Variants in BANK1 observed in about 807,000 individuals in gnomAD.
BANK1 encodes the protein B-cell scaffold protein with ankyrin repeats.
A neutral mutation model predicts 94.5 loss-of-function variants in BANK1; 95 were observed. The observed-to-expected ratio is 1.00, with a 90% confidence interval of 0.85 to 1.19. The LOEUF is 1.19. BANK1 is among the 50% of genes most tolerant of loss of function. The probability of loss-of-function intolerance (pLI) is 0.00; values close to 1 mark genes in which losing one functional copy is unlikely to be tolerated. For synonymous variants in BANK1, 334 were observed against 308.4 expected (o/e 1.08, Z -0.87); for missense variants, 987 against 932.2 (o/e 1.06, Z -0.77).
chr4:102,057,080 G>T (rs1244551805), intron 11 of BANK1, among the ~76,000 whole-genome samples: 2 of 152,066 alleles, frequency 1.3e-5, no homozygotes, highest in African/African-American at 2.4e-5. Context: ...AAAGTTAAGG[G>T]GATGCAGAGG....
intron 7 of BANK1, among the ~76,000 whole-genome samples, chr4:101,976,033 A>C (rs1005425188): frequency 6.6e-6 from 1 of 152,134 alleles, no homozygotes; most frequent in African/African-American, 2.4e-5. Flanking sequence ...GCTGATTAGA[A>C]ATTAATTCAT....
chr4:101,848,973 A>G (rs1727360873), intron 2 of BANK1, among the ~76,000 whole-genome samples: 1 of 152,166 alleles, frequency 6.6e-6, no homozygotes, highest in Admixed American at 6.5e-5. Context: ...TTATCTGCTG[A>G]GCCACGGAGG....
At chr4:101,882,113 G>A (rs534771932) in intron 5 of BANK1, among the ~76,000 whole-genome samples, 78 of 152,104 alleles carry the variant, frequency 5.1e-4, no homozygotes, top group Admixed American at 1.4e-3. Context: ...ATGCTTGAGG[G>A]GATGGATACC....
At chr4:101,997,421 G>A (rs1052745222) in intron 7 of BANK1, among the ~76,000 whole-genome samples, 3 of 152,082 alleles carry the variant, frequency 2.0e-5, no homozygotes, top group African/African-American at 7.2e-5. Context: ...CCAGGTTTTG[G>A]TATCAGGATC....
chr4:102,020,407 A>G (rs1442335761), intron 7 of BANK1, among the ~76,000 whole-genome samples: 2 of 152,126 alleles, frequency 1.3e-5, no homozygotes, highest in Admixed American at 6.6e-5. Flanking sequence ...GGGAAAATAT[A>G]ATTGAAATAT....
chr4:101,966,460 G>A (rs1191285642), intron 7 of BANK1, among the ~76,000 whole-genome samples: 2 of 151,974 alleles, frequency 1.3e-5, no homozygotes, highest in East Asian at 1.9e-4. Context: ...AGACATCTTG[G>A]AGAGTAGTTA....
At chr4:101,964,741 A>T (rs2148920459) in intron 7 of BANK1, among the ~76,000 whole-genome samples, 1 of 152,184 alleles carries the variant, frequency 6.6e-6, no homozygotes, top group East Asian at 1.9e-4. Context: ...ATTAACTTAA[A>T]ATAAATTAAA....
chr4:102,056,794 C>A (rs1171216564), intron 11 of BANK1, among the ~76,000 whole-genome samples: 1 of 151,992 alleles, frequency 6.6e-6, no homozygotes, highest in Non-Finnish European at 1.5e-5. Context: ...TCACTTGAGG[C>A]CAGGAGTTCG....
intron 6 of BANK1, among the ~76,000 whole-genome samples, chr4:101,909,008 A>G (rs1722564307): frequency 6.6e-6 from 1 of 152,200 alleles, no homozygotes; most frequent in Non-Finnish European, 1.5e-5. Flanking sequence ...GTGATTCCTC[A>G]AGGATCTAGA....
intron 6 of BANK1, among the ~76,000 whole-genome samples, chr4:101,899,769 C>T (rs1315063627): frequency 2.6e-5 from 4 of 152,138 alleles, no homozygotes; most frequent in Non-Finnish European, 5.9e-5. Context: ...ATTTGGCCTT[C>T]GTCATCCTAG....
At chr4:102,043,243 GTGAGTAA>G (rs142964973) in intron 10 of BANK1, among the ~76,000 whole-genome samples, 2,535 of 152,086 alleles carry the variant, frequency 0.017, 51 homozygotes, top group African/African-American at 0.056. Flanking sequence ...GCAAAATGGG[GTGAGTAA>G]TGCTGACTTG....
intron 7 of BANK1, among the ~76,000 whole-genome samples, chr4:101,975,641 TA>T (rs1725098747): frequency 2.0e-5 from 3 of 152,176 alleles, no homozygotes; most frequent in Admixed American, 1.3e-4. Flanking sequence ...GTTAATGCAT[TA>T]AAAGTGGTTT....
intron 1 of BANK1, among the ~76,000 whole-genome samples, chr4:101,827,287 A>C (rs1214766927): frequency 6.6e-6 from 1 of 151,916 alleles, no homozygotes. Flanking sequence ...CTTTAAATAT[A>C]AAGTTAATTT....
At chr4:101,798,196 G>A (rs1194371705) in intron 1 of BANK1, among the ~76,000 whole-genome samples, 1 of 152,196 alleles carries the variant, frequency 6.6e-6, no homozygotes, top group African/African-American at 2.4e-5. Context: ...TAAAGAGGAT[G>A]AGAGCTGAAT....
At chr4:101,922,028 G>A (rs996456466) in intron 7 of BANK1, among the ~76,000 whole-genome samples, 3 of 150,468 alleles carry the variant, frequency 2.0e-5, no homozygotes, top group Non-Finnish European at 4.4e-5. Flanking sequence ...GTGTGTGTGT[G>A]TGTGTGTGTG....
intron 1 of BANK1, among the ~76,000 whole-genome samples, chr4:101,822,624 T>C (rs1041783774): frequency 2.1e-4 from 32 of 151,700 alleles, no homozygotes; most frequent in African/African-American, 7.7e-4. Context: ...ATACTTTTTT[T>C]TTTTTTTTTG....
chr4:101,835,370 G>T (rs922244335), intron 2 of BANK1, among the ~76,000 whole-genome samples: 1 of 152,104 alleles, frequency 6.6e-6, no homozygotes, highest in Non-Finnish European at 1.5e-5. Flanking sequence ...CAGGCATGCT[G>T]GTTTGCTTGC....
chr4:101,919,747 TAA>T (rs1722940697), intron 7 of BANK1, among the ~76,000 whole-genome samples: 1 of 152,022 alleles, frequency 6.6e-6, no homozygotes, highest in Admixed American at 6.6e-5. Context: ...CCATTATAGT[TAA>T]GATAGATCAA....
intron 7 of BANK1, among the ~76,000 whole-genome samples, chr4:101,989,065 T>C (rs1315325258): frequency 2.6e-5 from 4 of 152,140 alleles, no homozygotes; most frequent in African/African-American, 9.7e-5. Context: ...GGCACCCACC[T>C]GAAGTTCCAG....
Sources: gnomAD v4.1 joint callset for allele counts (sites outside exome capture counted in the v4.1 genomes callset) on GRCh38, gnomAD v4.1.1 for gene constraint, MANE v1.5 for transcripts, NCBI Gene and HGNC (gene_info 2026-07-23, HGNC 2026-07-21) for gene names.